Variants in ROBO1 observed in about 807,000 individuals in gnomAD.
ROBO1 encodes roundabout homolog 1.
A neutral mutation model predicts 195.9 loss-of-function variants in ROBO1; 149 were observed. The ratio of observed to expected loss-of-function variants is 0.76; its 90% CI spans 0.67 to 0.87. The LOEUF is 0.87. Among genes scored for constraint, ROBO1 ranks in the 40% least tolerant of loss-of-function variants. ROBO1 has a pLI of 0.00. For missense variants in ROBO1, 1,933 were observed against 2,068.3 expected (o/e 0.93, Z 1.27); for synonymous variants, 816 against 733.2 (o/e 1.11, Z -1.82).
chr3:79,482,109 G>T (rs983148806), intron 2 of ROBO1, among the ~76,000 whole-genome samples: 3 of 151,978 alleles, frequency 2.0e-5, no homozygotes, highest in Non-Finnish European at 4.4e-5. Context: ...CGTGTACTTT[G>T]TAAGGACACT....
At chr3:79,274,804 T>C (rs970315421) in intron 2 of ROBO1, among the ~76,000 whole-genome samples, 2 of 151,838 alleles carry the variant, frequency 1.3e-5, no homozygotes, top group East Asian at 3.9e-4. Context: ...AAGGAAACAT[T>C]GCAACAAATA....
chr3:79,765,094 T>C (rs1559566256), intron 1 of ROBO1, among the ~76,000 whole-genome samples: 1 of 152,158 alleles, frequency 6.6e-6, no homozygotes, highest in Non-Finnish European at 1.5e-5. Context: ...AACAAACATG[T>C]GATTAACAGC....
rs186460782 is a variant in ROBO1, at chr3:78,996,551, T to C, written c.173-57624A>G. Among the ~76,000 whole-genome samples, 204 of 152,226 alleles carry C rather than the reference T, an allele frequency of 1.3e-3. 1 individual carries two copies. Among genetic ancestry groups the C allele is most frequent in the Admixed American group, 6.7e-3 (102 of 15,270 alleles). On this transcript the variant is annotated intron_variant, in intron 3 of 30. Transcript: ENST00000464233. ...ATTCTCTTATAGTGTCTCATCCTCA[T>C]GGAAGATTTGACCAGTTCACACTGG...
intron 2 of ROBO1, among the ~76,000 whole-genome samples, chr3:79,179,361 C>T (rs1489883514): frequency 6.6e-6 from 1 of 152,148 alleles, no homozygotes; most frequent in Non-Finnish European, 1.5e-5. Context: ...GAGTGGATTT[C>T]AATTTATTTA....
intron 1 of ROBO1, among the ~76,000 whole-genome samples, chr3:79,614,535 T>C (rs1328678986): frequency 2.0e-5 from 3 of 152,110 alleles, no homozygotes; most frequent in Non-Finnish European, 2.9e-5. Flanking sequence ...ATTTGGTCAA[T>C]GTATAAAAAT....
chr3:79,589,766 T>C, intron 2 of ROBO1, 58 bp downstream of exon 2: 4 of 1,375,878 alleles, frequency 2.9e-6, no homozygotes, highest in Non-Finnish European at 4.1e-6. Context: ...AAAAAGTGAA[T>C]TTAAAGCAAA....
chr3:79,077,976 C>G (rs747811939), intron 3 of ROBO1, among the ~76,000 whole-genome samples: 1 of 151,582 alleles, frequency 6.6e-6, no homozygotes, highest in Non-Finnish European at 1.5e-5. Flanking sequence ...GATGAACTTG[C>G]GTTGTAAATA....
intron 2 of ROBO1, among the ~76,000 whole-genome samples, chr3:79,129,167 A>G (rs1336492401): frequency 2.6e-5 from 4 of 152,186 alleles, no homozygotes; most frequent in African/African-American, 9.6e-5. Context: ...GCTTGTTTTC[A>G]ACCTACTTCT....
At chr3:79,719,705 A>T (rs1440666585) in intron 1 of ROBO1, among the ~76,000 whole-genome samples, 1 of 151,988 alleles carries the variant, frequency 6.6e-6, no homozygotes, top group Non-Finnish European at 1.5e-5. Context: ...GTGGATCTTC[A>T]TAAAGAAAAA....
chr3:79,603,793 A>T (rs1944406315), intron 1 of ROBO1, among the ~76,000 whole-genome samples: 1 of 152,040 alleles, frequency 6.6e-6, no homozygotes, highest in Admixed American at 6.6e-5. Flanking sequence ...ATGTCAATGA[A>T]TAAGATGTAC....
At chr3:79,472,596 G>C (rs970433545) in intron 2 of ROBO1, among the ~76,000 whole-genome samples, 1 of 152,104 alleles carries the variant, frequency 6.6e-6, no homozygotes, top group Admixed American at 6.6e-5. Context: ...CTTAAGCAAA[G>C]AAGGAGAGAA....
At chr3:79,075,498 T>C (rs2079157290) in intron 3 of ROBO1, among the ~76,000 whole-genome samples, 1 of 151,576 alleles carries the variant, frequency 6.6e-6, no homozygotes, top group African/African-American at 2.4e-5. Flanking sequence ...GTGTAGGAGG[T>C]TTTCTGGGGT....
chr3:78,639,477 AT>A (rs2107555624), intron 22 of ROBO1, among the ~76,000 whole-genome samples: 1 of 152,250 alleles, frequency 6.6e-6, no homozygotes, highest in African/African-American at 2.4e-5. Flanking sequence ...ATACTTTCAC[AT>A]GATTTTATTT....
intron 1 of ROBO1, among the ~76,000 whole-genome samples, chr3:79,654,551 A>T (rs1343566784): frequency 6.6e-6 from 1 of 152,056 alleles, no homozygotes; most frequent in Non-Finnish European, 1.5e-5. Flanking sequence ...ATGTTTGGGA[A>T]CACATGCCAA....
At chr3:79,038,002 T>A (rs904319852) in intron 3 of ROBO1, among the ~76,000 whole-genome samples, 2 of 152,150 alleles carry the variant, frequency 1.3e-5, no homozygotes, top group African/African-American at 2.4e-5. Context: ...AAGATTTTTT[T>A]AAAAATTAGA....
At chr3:78,828,416 T>C (rs943142227) in intron 4 of ROBO1, among the ~76,000 whole-genome samples, 1 of 152,196 alleles carries the variant, frequency 6.6e-6, no homozygotes, top group South Asian at 2.1e-4. Flanking sequence ...TAGTCTTCAT[T>C]TGAAAATGTG....
chr3:78,943,170 C>G (rs575170160), intron 3 of ROBO1, among the ~76,000 whole-genome samples: 1 of 150,604 alleles, frequency 6.6e-6, no homozygotes, highest in South Asian at 2.1e-4. Flanking sequence ...GAGCCAAGAT[C>G]GTGCCACTGC....
chr3:79,485,444 T>C (rs1174994145), intron 2 of ROBO1, among the ~76,000 whole-genome samples: 1 of 152,132 alleles, frequency 6.6e-6, no homozygotes, highest in Non-Finnish European at 1.5e-5. Context: ...ATAAAAACCA[T>C]ACATAGTTCC....
rs949465338 is a variant in ROBO1, at chr3:79,019,565, T to C, written c.173-80638A>G. ...GCGTGGTCCTTTCCATGCTTCACTC[T>C]ATTCTCCAGGCGCTGGTCAGGCAAG... On this transcript the variant is annotated intron_variant, in intron 3 of 30. Transcript: ENST00000464233. 2.1e-5 allele frequency: 21 copies of C among 985,294 alleles called. No individual in the cohort carries two copies. In the African/African-American group the frequency reaches 3.5e-4, roughly 16 times the overall value. 61.0% of individuals were successfully genotyped at this position (985,294 alleles called of 1,614,324 possible). A position where few individuals can be genotyped will look rare whatever the true frequency, so the allele number is the denominator to read the frequency against.
Sources: allele counts gnomAD v4.1 joint callset (sites outside exome capture counted in the v4.1 genomes callset), GRCh38; gene constraint gnomAD v4.1.1; transcripts MANE v1.5; gene names NCBI Gene and HGNC (gene_info 2026-07-23, HGNC 2026-07-21).